The following CFAP92 variants were observed in gnomAD, a reference collection of about 807,000 sequenced individuals.
CFAP92 encodes cilia and flagella associated protein 92 (putative).
In CFAP92, 86 loss-of-function variants were observed where a neutral mutation model predicts 106.3. The ratio of observed to expected loss-of-function variants is 0.81; its 90% CI spans 0.68 to 0.97. CFAP92 has a LOEUF of 0.97. Among genes scored for constraint, CFAP92 ranks in the 50% least tolerant of loss-of-function variants. CFAP92 has a pLI of 0.00. For missense variants in CFAP92, 1,204 were observed against 1,283.8 expected (o/e 0.94, Z 0.95); for synonymous variants, 477 against 506.4 (o/e 0.94, Z 0.78).
At chr3:129,026,484 A>C in the CFAP92 span, among the ~76,000 whole-genome samples, 1 of 152,210 alleles carries the variant, frequency 6.6e-6, no homozygotes, top group South Asian at 2.1e-4. Context: ...CTCTGCCAAG[A>C]AGCTCACTGC....
At chr3:129,004,368 ACCCCC>A (rs1428229958), upstream of CFAP92, among the ~76,000 whole-genome samples, 3 of 44,584 alleles carry the variant, frequency 6.7e-5, no homozygotes, top group Admixed American at 3.0e-4. Context: ...CCATTCACTC[ACCCCC>A]CCCACCCACC....
rs200889481 is a variant in CFAP92, at chr3:128,993,185, C to G, written c.120G>C (p.Lys40Asn). 58 of 1,614,076 alleles carry G rather than the reference C, an allele frequency of 3.6e-5. No homozygotes were observed. The East Asian group carries it at 1.3e-3, about 35-fold the overall frequency. ...ECDVEEHLKAKARAQESDSDR... is the reference protein window; with the variant it reads ...ECDVEEHLKANARAQESDSDR... Reference sequence around the variant, plus strand: ...CAGAGTCAGACTCCTGGGCCCTGGCCTTGGCCTTCAGGTGTTCCTCCACGT... The same window carrying G: ...CAGAGTCAGACTCCTGGGCCCTGGCGTTGGCCTTCAGGTGTTCCTCCACGT... Residue 40 changes from lysine (K) to asparagine (N), a missense_variant, in exon 2 of 16, where the codon AAG becomes AAC. Lys to Asn is a moderately conservative substitution (Grantham distance 94, BLOSUM62 0). Coordinates refer to ENST00000645291, the MANE Select transcript of CFAP92 (RefSeq NM_001394090.1).
chr3:128,939,258 C>T (rs1163460865), intron 10 of CFAP92, among the ~76,000 whole-genome samples: 1 of 152,082 alleles, frequency 6.6e-6, no homozygotes, highest in South Asian at 2.1e-4. Context: ...CCTGCCTCAG[C>T]CTCCCGAGTA....
chr3:128,915,626 A>G (rs1576372017), intron 13 of CFAP92, 63 bp from the exon 14 acceptor site: 6 of 1,117,186 alleles, frequency 5.4e-6, no homozygotes, highest in South Asian at 1.6e-5. Flanking sequence ...TTTATTTCCA[A>G]GTAGGAATCA....
At chr3:129,007,745 A>G in the CFAP92 span, among the ~76,000 whole-genome samples, 1 of 152,218 alleles carries the variant, frequency 6.6e-6, no homozygotes, top group African/African-American at 2.4e-5. Context: ...CTGTGCTGCC[A>G]CTTTCCTAAA....
intron 12 of CFAP92, among the ~76,000 whole-genome samples, chr3:128,923,405 CAG>C (rs1009262097): frequency 3.3e-5 from 5 of 152,188 alleles, no homozygotes; most frequent in African/African-American, 7.2e-5. Context: ...TGCAGGAACT[CAG>C]GGGCACAACA....
At chr3:128,913,541 C>G (rs543608645) in intron 15 of CFAP92, among the ~76,000 whole-genome samples, 2 of 152,126 alleles carry the variant, frequency 1.3e-5, no homozygotes, top group Non-Finnish European at 2.9e-5. Context: ...CTTGGGTGGT[C>G]TGGAGCTCTA....
rs896606767 is a variant in CFAP92, at chr3:129,001,828, ACTGCCGCGGCGCCGGCCGT to A, written n.117+727_117+745del. On this transcript the variant is annotated intron_variant and non_coding_transcript_variant, in intron 1 of 4. Transcript: ENST00000510149. ...CTGCAGGAGGTCTTCCACCACCTGG[ACTGCCGCGGCGCCGGCCGT>A]CTGCCCCGCGCCGACTTCCGAGCGC... The A allele has an allele frequency of 1.2e-5, 18 of 1,545,548 alleles. No homozygotes were observed. In the African/African-American group the frequency reaches 1.8e-4, roughly 15 times the overall value.
In CFAP92 at chr3:128,976,994, T is replaced by G; in HGVS notation, c.881A>C (p.Asp294Ala). Residue 294 changes from aspartate (D) to alanine (A), a missense_variant, in exon 6 of 16, where the codon GAT becomes GCT. Physicochemically the swap from Asp to Ala is moderately radical, Grantham distance 126. Coordinates refer to ENST00000645291, the MANE Select transcript of CFAP92 (RefSeq NM_001394090.1). ...CAATCCTTACTGAATCGTGGAAGAA[T>G]CGTCCATTTTGAGGGACTTCTCATA... Reference protein sequence around the residue: ...EEYEKSLKMDDSSTIQWSVSR... With the variant: ...EEYEKSLKMDASSTIQWSVSR... 6.2e-7 allele frequency: 1 copy of G among 1,613,752 alleles called. No individual in the cohort carries two copies. The highest frequency in any genetic ancestry group is 8.5e-7 in the Non-Finnish European group (1 of 1,179,670).
At chr3:128,991,880 A>G (rs1416153645) in intron 2 of CFAP92, 2 of 986,838 alleles carry the variant, frequency 2.0e-6, no homozygotes, top group Non-Finnish European at 2.4e-6. Context: ...GTCTATCAAG[A>G]TGTGAAGTAC....
chr3:128,985,949 T>C (rs1576630464), intron 4 of CFAP92, among the ~76,000 whole-genome samples: 3 of 152,204 alleles, frequency 2.0e-5, no homozygotes, highest in Admixed American at 2.0e-4. Flanking sequence ...AGGCCAGAAA[T>C]GCTGCAAAAC....
the CFAP92 span, among the ~76,000 whole-genome samples, chr3:129,019,930 G>A: frequency 2.0e-5 from 3 of 151,716 alleles, no homozygotes; most frequent in Middle Eastern, 3.4e-3. Flanking sequence ...CACCACGCCC[G>A]GCTAATTTTT....
At chr3:128,966,459 A>C (rs1053615951) in intron 8 of CFAP92, 1 of 152,220 alleles carries the variant, frequency 6.6e-6, no homozygotes, top group African/African-American at 2.4e-5. Context: ...ACAAGCGTGC[A>C]TACCTCCCAC....
At chr3:128,934,071 T>TG (rs1249097301) in intron 11 of CFAP92, among the ~76,000 whole-genome samples, 1 of 152,162 alleles carries the variant, frequency 6.6e-6, no homozygotes, top group African/African-American at 2.4e-5. Flanking sequence ...TCTCCTGCCC[T>TG]GGGGAAAGAA....
intron 7 of CFAP92, among the ~76,000 whole-genome samples, chr3:128,973,428 A>G (rs1942943376): frequency 6.6e-6 from 1 of 152,076 alleles, no homozygotes; most frequent in Non-Finnish European, 1.5e-5. Context: ...AGGCCGAGGC[A>G]AGCGGATCAC....
chr3:128,997,841 C>T (rs186787842), upstream of CFAP92, among the ~76,000 whole-genome samples: 36 of 152,212 alleles, frequency 2.4e-4, no homozygotes, highest in African/African-American at 7.9e-4. Flanking sequence ...AGAGTTGGGT[C>T]GTATGGTCAT....
At chr3:128,911,732 G>C (rs753719930) in intron 15 of CFAP92, among the ~76,000 whole-genome samples, 1 of 152,238 alleles carries the variant, frequency 6.6e-6, no homozygotes, top group Non-Finnish European at 1.5e-5. Context: ...ATGAGCCACT[G>C]TGCCCAGCCC....
chr3:129,002,147 G>C, intron 1 of CFAP92: 1 of 1,472,978 alleles, frequency 6.8e-7, no homozygotes, highest in Non-Finnish European at 8.9e-7. Flanking sequence ...TCGAGACGCA[G>C]ATCCGCCTGC....
intron 7 of CFAP92, among the ~76,000 whole-genome samples, chr3:128,974,102 G>T (rs1942994482): frequency 1.3e-5 from 2 of 152,214 alleles, no homozygotes; most frequent in South Asian, 4.1e-4. Context: ...AGTCTTTGTG[G>T]ACCGTAGGAA....
Sources: allele counts gnomAD v4.1 joint callset (sites outside exome capture counted in the v4.1 genomes callset), GRCh38; gene constraint gnomAD v4.1.1; transcripts MANE v1.5; gene names NCBI Gene and HGNC (gene_info 2026-07-23, HGNC 2026-07-21).